Variants in HERC1 observed in about 807,000 individuals in gnomAD.
HERC1 encodes probable E3 ubiquitin-protein ligase HERC1.
In HERC1, 160 loss-of-function variants were observed where a neutral mutation model predicts 554.3. The ratio of observed to expected loss-of-function variants is 0.29; its 90% CI spans 0.25 to 0.33. The LOEUF is 0.33. Ranked by LOEUF, HERC1 falls within the 10% of genes least tolerant of loss-of-function variation. The probability of loss-of-function intolerance (pLI) is 1.00; values close to 1 mark genes in which losing one functional copy is unlikely to be tolerated. For missense variants in HERC1, 4,919 were observed against 5,918.5 expected, an observed-to-expected ratio of 0.83 and a Z score of 5.54; for synonymous variants, 2,175 against 2,131.7, an observed-to-expected ratio of 1.02 and a Z score of -0.56.
chr15:63,624,269 G>A lies in HERC1; in HGVS notation c.13334C>T (p.Pro4445Leu), dbSNP rs753722310. 1.9e-6 allele frequency: 3 copies of A among 1,613,744 alleles called. No homozygotes were observed. Among genetic ancestry groups the A allele is most frequent in the Non-Finnish European group, 8.5e-7 (1 of 1,179,760 alleles). Residue 4445 changes from proline (P) to leucine (L), a missense_variant, in exon 72 of 78, where the codon CCT becomes CTT. Physicochemically the swap from Pro to Leu is moderately conservative, Grantham distance 98. Around this residue, in one of 11 missense-constraint regions of HERC1, gnomAD observed 410 missense variants for 467.0 expected, o/e 0.88. Transcript: ENST00000443617. ...AGTGTAGACTCTTGGGGCTAACAAA[G>A]GCCGAAGTTGTCCCTGTACAATGCC... ...TWGIVQGQLRPLLAPRVYTLP... is the reference protein window; with the variant it reads ...TWGIVQGQLRLLLAPRVYTLP...
At chr15:63,827,478 T>C (rs1469270070) in intron 1 of HERC1, among the ~76,000 whole-genome samples, 1 of 151,246 alleles carries the variant, frequency 6.6e-6, no homozygotes, top group Non-Finnish European at 1.5e-5. Context: ...AAGAATGACC[T>C]GATTTGGAGT....
Position 63,692,292 on chromosome 15 carries a change from AAG to A in HERC1, c.5830+117_5830+118del. The A allele has an allele frequency of 1.4e-6, 1 of 732,414 alleles. No individual in the cohort carries two copies. The highest frequency in any genetic ancestry group is 1.8e-5 in the African/African-American group (1 of 55,772). 45.4% of individuals were successfully genotyped at this position (732,414 alleles called of 1,614,324 possible). On this transcript the variant is annotated intron_variant, in intron 31 of 77. Coordinates refer to ENST00000443617, the MANE Select transcript of HERC1 (RefSeq NM_003922.4). This position sits in a 1 kb window ranked among gnomAD's most constrained non-coding sequence, Gnocchi z 4.7. The stretch of plus-strand genomic sequence containing the variant: ...TTGATCAAATAGGTACGCAGAAAAT[AAG>A]AAAGAAAAGCCTTCAAATCAAGGTT...
chr15:63,737,205 G>A (rs1388635407), intron 12 of HERC1, among the ~76,000 whole-genome samples: 1 of 150,622 alleles, frequency 6.6e-6, no homozygotes, highest in Non-Finnish European at 1.5e-5. Flanking sequence ...TAAAGCAGAG[G>A]GGGGAAAAGA....
intron 12 of HERC1, 104 bp downstream of exon 12, chr15:63,746,814 C>A: frequency 1.0e-6 from 1 of 997,326 alleles, no homozygotes; most frequent in Admixed American, 2.6e-5. Flanking sequence ...AGGGAAACAA[C>A]ATCCAATTGA....
At chr15:63,704,346 T>C (rs2072889138) in intron 25 of HERC1, among the ~76,000 whole-genome samples, 1 of 152,370 alleles carries the variant, frequency 6.6e-6, no homozygotes, top group South Asian at 2.1e-4. Flanking sequence ...TTGTACATGC[T>C]GACCTGGTTA....
intron 34 of HERC1, among the ~76,000 whole-genome samples, chr15:63,684,338 C>T (rs2071631914): frequency 6.6e-6 from 1 of 152,176 alleles, no homozygotes; most frequent in African/African-American, 2.4e-5. Context: ...CTTTTCCAGA[C>T]TGCCCACTGG....
intron 12 of HERC1, among the ~76,000 whole-genome samples, chr15:63,741,986 T>C (rs879653323): frequency 3.9e-5 from 6 of 152,234 alleles, no homozygotes; most frequent in Non-Finnish European, 7.3e-5. Flanking sequence ...AATTTCCATA[T>C]GATTTTAGGA....
intron 39 of HERC1, among the ~76,000 whole-genome samples, chr15:63,670,464 G>GTATAC (rs2070851893): frequency 6.6e-6 from 1 of 152,142 alleles, no homozygotes. Context: ...TAATACAATG[G>GTATAC]TATACACACA....
intron 1 of HERC1, among the ~76,000 whole-genome samples, chr15:63,776,106 T>C (rs2076106686): frequency 6.6e-6 from 1 of 152,208 alleles, no homozygotes; most frequent in Admixed American, 6.5e-5. Flanking sequence ...CATTCAGTTC[T>C]GATTCCATTA....
intron 76 of HERC1, among the ~76,000 whole-genome samples, chr15:63,613,589 A>G (rs965728540): frequency 1.3e-5 from 2 of 152,168 alleles, no homozygotes; most frequent in Non-Finnish European, 2.9e-5. Flanking sequence ...TTGCTTCACT[A>G]TAATAACCTT....
rs1426848634 is a variant in HERC1 at position 63,675,042 on chromosome 15, C to G, written c.7146G>C (p.Val2382=). The G allele has an allele frequency of 1.2e-6, 2 of 1,613,874 alleles. No homozygotes were observed. The highest frequency in any genetic ancestry group is 1.7e-6 in the Non-Finnish European group (2 of 1,179,894). The change falls in exon 38 of 78, where the codon GTG becomes GTC. Residue 2382 remains valine (V), a synonymous_variant. Transcript: ENST00000443617. ...LEPCEPLPFD[V]ARFRGLTASV... ...AAGCCGTCAGGCCTCGGAATCGCGCCACATCAAACGGCAATGGTTCACAGG... is the reference window on the plus strand; with the variant it reads ...AAGCCGTCAGGCCTCGGAATCGCGCGACATCAAACGGCAATGGTTCACAGG...
chr15:63,758,702 T>C lies in HERC1; in HGVS notation c.1027-333A>G, dbSNP rs2075510403. Among the ~76,000 whole-genome samples the C allele has an allele frequency of 6.6e-6, 1 of 152,222 alleles. No homozygotes were observed. Among genetic ancestry groups the C allele is most frequent in the African/African-American group, 2.4e-5 (1 of 41,440 alleles). On this transcript the variant is annotated intron_variant, in intron 3 of 77. Coordinates refer to ENST00000443617, the MANE Select transcript of HERC1 (RefSeq NM_003922.4). This position sits in a 1 kb window ranked among gnomAD's most constrained non-coding sequence, Gnocchi z 4.0. ...CTTAACATCTTAATACAATAAATTT[T>C]ACCTTTTAAATATATGTCCTTCCAG... is the stretch of plus-strand genomic sequence containing the variant.
In HERC1 at chr15:63,673,215, T is replaced by C. The variant is rs371241903; in HGVS notation, c.7847-521A>G. Among the ~76,000 whole-genome samples, 14 of 150,292 alleles carry C rather than the reference T, an allele frequency of 9.3e-5. No individual in the cohort carries two copies. The East Asian group carries it at 9.6e-4, about 10-fold the overall frequency. ...ACTCTAAAAGTTTACAAAGTATTTA[T>C]ATATTTTTTTTAATTGTTAAGGAAT... On this transcript the variant is annotated intron_variant, in intron 38 of 77. Coordinates refer to ENST00000443617, the MANE Select transcript of HERC1 (RefSeq NM_003922.4).
In HERC1 at chr15:63,749,134, C is replaced by A. The variant is rs1468864037; in HGVS notation, c.2219+233G>T. Reference sequence around the variant, plus strand: ...GAGAGAACTCAAAATGTTTAAAAGACAATGTCTTAAATACTGGGTATGACT... The same window carrying A: ...GAGAGAACTCAAAATGTTTAAAAGAAAATGTCTTAAATACTGGGTATGACT... On this transcript the variant is annotated intron_variant, in intron 10 of 77. Transcript: ENST00000443617. This position sits in a 1 kb window ranked among gnomAD's most constrained non-coding sequence, Gnocchi z 4.1. 6.6e-6 allele frequency among the ~76,000 whole-genome samples: 1 copy of A among 152,056 alleles called. No homozygotes were observed. The highest frequency in any genetic ancestry group is 1.5e-5 in the Non-Finnish European group (1 of 68,000).
Position 63,727,695 on chromosome 15 carries a change from G to C in HERC1, c.3298C>G (p.Pro1100Ala). Residue 1100 changes from proline to alanine, a missense_variant, in exon 17 of 78, where the codon CCA (proline) becomes GCA (alanine). Physicochemically the swap from Pro to Ala is conservative, Grantham distance 27 (BLOSUM62 -1). Around this residue, in one of 11 missense-constraint regions of HERC1, gnomAD observed 1,121 missense variants for 1,244.0 expected, o/e 0.90. Coordinates refer to ENST00000443617, the MANE Select transcript of HERC1 (RefSeq NM_003922.4). The surrounding 1 kb of genome is among the most constrained non-coding windows in gnomAD (Gnocchi z 4.3). ...TGGTCTTCTAAAAGATCAGCAGCTGGCAGGAGTCTATTAAGGCAATCAAGA... is the reference window on the plus strand; with the variant it reads ...TGGTCTTCTAAAAGATCAGCAGCTGCCAGGAGTCTATTAAGGCAATCAAGA... ...PPLDCLNRLL[P>A]AADLLEDQEL... is the part of the protein sequence containing the mutation. 1.9e-6 allele frequency: 3 copies of C among 1,613,634 alleles called. No individual in the cohort carries two copies. Among genetic ancestry groups the C allele is most frequent in the Non-Finnish European group, 2.5e-6 (3 of 1,179,750 alleles).
intron 1 of HERC1, among the ~76,000 whole-genome samples, chr15:63,796,181 A>C (rs1445687929): frequency 6.6e-6 from 1 of 152,230 alleles, no homozygotes; most frequent in Non-Finnish European, 1.5e-5. Context: ...ATTTTTTACA[A>C]GTAGAATAAA....
chr15:63,807,958 T>C (rs1159293464), intron 1 of HERC1, among the ~76,000 whole-genome samples: 1 of 152,096 alleles, frequency 6.6e-6, no homozygotes, highest in African/African-American at 2.4e-5. Flanking sequence ...AATTTCTGTA[T>C]CTGTCACAAG....
rs530736096 is a variant in HERC1 at position 63,609,412 on chromosome 15, A to G, written c.14401-146T>C. 7.2e-5 allele frequency: 53 copies of G among 733,794 alleles called. No homozygotes were observed. The African/African-American group carries it at 8.5e-4, about 12-fold the overall frequency. The allele number at this position is 733,794 out of a possible 1,614,324, so 45.5% of individuals were successfully genotyped here. A position where few individuals can be genotyped will look rare whatever the true frequency, so the allele number is the denominator to read the frequency against. ...AGTGGACACAGAGACTGGGCCAGAT[A>G]GAATGAGCTGAGGCCCTACTGCCCC... On this transcript the variant is annotated intron_variant, in intron 77 of 77. Coordinates refer to ENST00000443617, the MANE Select transcript of HERC1 (RefSeq NM_003922.4).
intron 1 of HERC1, among the ~76,000 whole-genome samples, chr15:63,802,533 G>C (rs2077026419): frequency 6.6e-6 from 1 of 152,092 alleles, no homozygotes; most frequent in African/African-American, 2.4e-5. Context: ...TATTGGCAAA[G>C]GAAAAACTGC....
Sources: allele counts gnomAD v4.1 joint callset (sites outside exome capture counted in the v4.1 genomes callset), GRCh38; gene constraint gnomAD v4.1.1; regional missense constraint gnomAD v4.1.1; non-coding constraint Gnocchi (gnomAD v3.1); transcripts MANE v1.5; gene names NCBI Gene and HGNC (gene_info 2026-07-23, HGNC 2026-07-21).